Variants in POSTN observed in about 807,000 individuals in gnomAD.
POSTN encodes the protein periostin, also known as osteoblast specific factor 2 (fasciclin I-like).
Under a neutral mutation model 104.5 loss-of-function variants are expected in POSTN, and 71 were observed. The observed-to-expected ratio is 0.68, with a 90% CI of 0.56 to 0.83. The LOEUF is 0.83. POSTN is among the 40% of genes least tolerant of loss of function. POSTN has a pLI of 0.00. For synonymous variants in POSTN, 355 were observed against 340.7 expected, an observed-to-expected ratio of 1.04 and a Z score of -0.46; for missense variants, 949 against 1,006.8, an observed-to-expected ratio of 0.94 and a Z score of 0.78.
chr13:37,582,301 T>C, intron 10 of POSTN, 65 bp downstream of exon 10: 1 of 1,490,708 alleles, frequency 6.7e-7, no homozygotes, highest in Non-Finnish European at 9.1e-7. Flanking sequence ...TGTGAAATAT[T>C]CATTGAAACA....
chr13:37,574,516 G>C (rs909931185), intron 17 of POSTN, 56 bp downstream of exon 17: 7 of 1,528,532 alleles, frequency 4.6e-6, no homozygotes, highest in Non-Finnish European at 3.5e-6. Flanking sequence ...ATAGAGATCA[G>C]TATTTTTACA....
intron 2 of POSTN, among the ~76,000 whole-genome samples, chr13:37,593,844 C>T (rs988357346): frequency 5.3e-5 from 8 of 151,616 alleles, no homozygotes; most frequent in African/African-American, 1.9e-4. Flanking sequence ...TTGAACCCTG[C>T]TACACTAAGT....
intron 22 of POSTN, among the ~76,000 whole-genome samples, chr13:37,563,761 T>C (rs1224891441): frequency 6.6e-6 from 1 of 151,994 alleles, no homozygotes; most frequent in African/African-American, 2.4e-5. Flanking sequence ...TCACTACTAG[T>C]ATCTAATTAA....
In POSTN at chr13:37,570,637, C is replaced by T. The variant is rs1187382243; in HGVS notation, c.2212G>A (p.Asp738Asn). The T allele has an allele frequency of 6.2e-7, 1 of 1,608,836 alleles. No individual in the cohort carries two copies. The highest frequency in any genetic ancestry group is 1.1e-5 in the South Asian group (1 of 90,890). The change falls in exon 19 of 23, where the codon GAT becomes AAT. Residue 738 changes from aspartate (D) to asparagine (N), a missense_variant. Coordinates refer to ENST00000379747, the MANE Select transcript of POSTN (RefSeq NM_006475.3). ...PIIKKYTKII[D>N]GVPVEITEKE... ...TCAGTTATTTCCACAGGCACTCCATCAATGATTTTGGTGTATTTTTTAATA... is the reference window on the plus strand; with the variant it reads ...TCAGTTATTTCCACAGGCACTCCATTAATGATTTTGGTGTATTTTTTAATA...
At position 37,570,601 on chromosome 13, in the gene POSTN, G is replaced by A. The variant is rs760626575; in HGVS notation, c.2248C>T (p.Arg750Ter). The A allele has an allele frequency of 1.7e-5, 28 of 1,602,898 alleles. No individual in the cohort carries two copies. Among genetic ancestry groups the A allele is most frequent in the South Asian group, 1.1e-5 (1 of 90,782 alleles). Residue 750 changes from arginine to a stop codon, truncating the protein, a stop_gained, in exon 19 of 23, where the codon CGA becomes TGA. Transcript: ENST00000379747. LOFTEE classifies it high-confidence loss of function. ...VPVEITEKET[R>*]EERIITGPEI... ...CTACCTGTAATGATTCGTTCTTCTC[G>A]TGTCTCTTTTTCAGTTATTTCCACA...
intron 16 of POSTN, among the ~76,000 whole-genome samples, chr13:37,577,417 C>T (rs1034777852): frequency 7.9e-5 from 12 of 152,282 alleles, no homozygotes; most frequent in African/African-American, 2.9e-4. Flanking sequence ...TTTCTGTGTC[C>T]ACACATCTGA....
At chr13:37,569,244 G>A in intron 21 of POSTN, 56 bp downstream of exon 21, 1 of 1,286,706 alleles carries the variant, frequency 7.8e-7, no homozygotes, top group Non-Finnish European at 1.1e-6. Flanking sequence ...TCTTTAAAAA[G>A]TTGAACTCAG....
chr13:37,575,052 C>A (rs1950365774), intron 16 of POSTN, among the ~76,000 whole-genome samples: 1 of 151,800 alleles, frequency 6.6e-6, no homozygotes, highest in African/African-American at 2.4e-5. Context: ...TTGCTGGATT[C>A]TTTCTCAATT....
At chr13:37,566,553 A>G (rs572919188) in intron 21 of POSTN, among the ~76,000 whole-genome samples, 10 of 152,282 alleles carry the variant, frequency 6.6e-5, no homozygotes, top group African/African-American at 2.4e-4. Flanking sequence ...GATGAAGGAA[A>G]CAAGCAAGAA....
At position 37,587,981 on chromosome 13, in the gene POSTN, G is replaced by A. The variant is rs753292737; in HGVS notation, c.447C>T (p.Ile149=). Residue 149 remains isoleucine, a synonymous_variant, in exon 5 of 23, where the codon ATC becomes ATT. Transcript: ENST00000379747. ...TCACGTTGCTCTCCAAACCTCTACG[G>A]ATATCCTAGGAAAAATTGCAATGAT... The part of the protein sequence containing the change: ...NEAWDNLDSD[I]RRGLESNVNV... The A allele has an allele frequency of 5.0e-6, 8 of 1,586,768 alleles. No homozygotes were observed. Among genetic ancestry groups the A allele is most frequent in the Non-Finnish European group, 6.0e-6 (7 of 1,163,178 alleles).
At chr13:37,586,700 A>G (rs928822173) in intron 6 of POSTN, 82 bp downstream of exon 6, 8 of 1,399,922 alleles carry the variant, frequency 5.7e-6, no homozygotes, top group South Asian at 1.3e-5. Flanking sequence ...GCCAGATTTA[A>G]TAGCATTTTT....
chr13:37,596,801 T>C (rs2985158), intron 2 of POSTN, among the ~76,000 whole-genome samples: 151,364 of 152,336 alleles, frequency 0.99, 75,208 homozygotes, highest in Middle Eastern at 1. Flanking sequence ...TCAGTTTGTT[T>C]TTCTGGCCCA....
At chr13:37,588,114 T>C in intron 4 of POSTN, 128 bp from the exon 5 acceptor site, 2 of 733,684 alleles carry the variant, frequency 2.7e-6, no homozygotes, top group Non-Finnish European at 4.4e-6. Context: ...AAAATTGACA[T>C]AAATAACTTA....
rs1949969928 is a variant in POSTN, at chr13:37,562,797, T to G, written c.*536A>C. 6.6e-6 allele frequency: 1 copy of G among 152,094 alleles called. No homozygotes were observed. Among genetic ancestry groups the G allele is most frequent in the African/African-American group, 2.4e-5 (1 of 41,418 alleles). The allele number at this position is 152,094 out of a possible 1,614,324, so 9.4% of individuals were successfully genotyped here. On this transcript the variant is annotated 3_prime_UTR_variant, in exon 23 of 23. Coordinates refer to ENST00000379747, the MANE Select transcript of POSTN (RefSeq NM_006475.3). ...AAGCATATGACAAACATTCTGAGAG[T>G]ACAAAATTAGTTGTAAAAAATAACA...
chr13:37,576,837 C>T (rs142734401), intron 16 of POSTN, among the ~76,000 whole-genome samples: 3 of 151,942 alleles, frequency 2.0e-5, no homozygotes, highest in East Asian at 3.9e-4. Context: ...CAGCAGCAGA[C>T]ATTTTGTTTT....
intron 15 of POSTN, among the ~76,000 whole-genome samples, chr13:37,578,088 A>G (rs1950467296): frequency 6.6e-6 from 1 of 152,188 alleles, no homozygotes; most frequent in Admixed American, 6.5e-5. Flanking sequence ...CCCTACATTG[A>G]AAAAGAAGAA....
rs116850794 is a variant in POSTN, at chr13:37,574,815, A to G, written c.2009-163T>C. Among the ~76,000 whole-genome samples, 353 of 151,842 alleles carry G rather than the reference A, an allele frequency of 2.3e-3. 1 individual carries two copies. The highest frequency in any genetic ancestry group is 4.1e-3 in the Non-Finnish European group (276 of 67,798). On this transcript the variant is annotated intron_variant, in intron 16 of 22. Transcript: ENST00000379747. ...ACAGGAAATATTTATGGTACATAAT[A>G]TAATATCTTCTCATGTCCAGGTGTT...
At chr13:37,574,744 A>G (rs1950358290) in intron 16 of POSTN, 92 bp from the exon 17 acceptor site, 1 of 1,416,488 alleles carries the variant, frequency 7.1e-7, no homozygotes, top group Non-Finnish European at 9.2e-7. Context: ...TTGTCTCTGT[A>G]GGATACTAAG....
chr13:37,580,063 A>T, intron 11 of POSTN, 72 bp from the exon 12 acceptor site: 1 of 1,374,318 alleles, frequency 7.3e-7, no homozygotes, highest in Non-Finnish European at 1.0e-6. Flanking sequence ...TGCATGTAAT[A>T]GAATAGAATC....
Sources: allele counts gnomAD v4.1 joint callset (sites outside exome capture counted in the v4.1 genomes callset), GRCh38; gene constraint gnomAD v4.1.1; transcripts MANE v1.5; gene names NCBI Gene and HGNC (gene_info 2026-07-23, HGNC 2026-07-21).